Variants in AKAP11 observed in about 807,000 individuals in gnomAD.
The protein encoded by AKAP11 is A-kinase anchor protein 11.
A neutral mutation model predicts 146.1 loss-of-function variants in AKAP11; 36 were observed. The ratio of observed to expected loss-of-function variants is 0.25; its 90% CI spans 0.19 to 0.33. The LOEUF is 0.33. AKAP11 is among the 10% of genes least tolerant of loss of function. AKAP11 has a pLI of 1.00. For missense variants in AKAP11, 2,201 were observed against 2,197.0 expected, an observed-to-expected ratio of 1.00 and a Z score of -0.04; for synonymous variants, 780 against 786.5, an observed-to-expected ratio of 0.99 and a Z score of 0.14.
chr13:42,286,444 A>G (rs762203878), intron 3 of AKAP11, 45 bp downstream of exon 3: 1 of 1,473,330 alleles, frequency 6.8e-7, no homozygotes, highest in Non-Finnish European at 9.3e-7. Context: ...GTTTTAATTA[A>G]AATGTTGATT....
Position 42,322,301 on chromosome 13 carries a change from T to C in AKAP11, c.*3073T>C, listed in dbSNP as rs1961118495. The stretch of plus-strand genomic sequence containing the variant: ...CTGGTAAGAGAATTTATTTACTAAA[T>C]GCACTATGTATAAAGTGAAAGATAG... On this transcript the variant is annotated 3_prime_UTR_variant, in exon 13 of 13. Transcript: ENST00000025301. The C allele has an allele frequency of 6.6e-6, 1 of 152,314 alleles. No homozygotes were observed. Among genetic ancestry groups the C allele is most frequent in the African/African-American group, 2.4e-5 (1 of 41,462 alleles). The allele number at this position is 152,314 out of a possible 1,614,324, so 9.4% of individuals were successfully genotyped here.
chr13:42,282,343 T>G (rs935287008), intron 1 of AKAP11, among the ~76,000 whole-genome samples: 5 of 151,524 alleles, frequency 3.3e-5, no homozygotes, highest in Non-Finnish European at 7.4e-5. Context: ...CACGCCAGTA[T>G]GGATCACTCT....
Position 42,292,441 on chromosome 13 carries a change from A to G in AKAP11, c.108A>G (p.Glu36=). The G allele has an allele frequency of 6.3e-7, 1 of 1,597,282 alleles. No individual in the cohort carries two copies. Among genetic ancestry groups the G allele is most frequent in the Non-Finnish European group, 8.6e-7 (1 of 1,168,110 alleles). Residue 36 remains glutamate, a synonymous_variant, in exon 4 of 13, where the codon GAA becomes GAG. Coordinates refer to ENST00000025301, the MANE Select transcript of AKAP11 (RefSeq NM_016248.4). The part of the protein sequence containing the change: ...SVKSLLQSQK[E]LCSVTAEDCL... ...AGTCTTTATTGCAGAGTCAGAAGGA[A>G]CTATGCAGTGTAACAGCAGAGGACT...
chr13:42,280,762 G>A (rs1027848843), intron 1 of AKAP11, among the ~76,000 whole-genome samples: 6 of 152,176 alleles, frequency 3.9e-5, no homozygotes, highest in Non-Finnish European at 8.8e-5. Context: ...CCTATTTTAG[G>A]GAGGGAAGTT....
chr13:42,301,572 A>G lies in AKAP11; in HGVS notation c.2826A>G (p.Leu942=), dbSNP rs1422066034. ...ATAAGGACATGTTTGCTGACCGGTT[A>G]TCTAAATCTATTATTAAACATTCCA... The part of the protein sequence containing the change: ...SSNKDMFADR[L]SKSIIKHSID... The change falls in exon 8 of 13, where the codon TTA becomes TTG. Residue 942 remains leucine, a synonymous_variant. Coordinates refer to ENST00000025301, the MANE Select transcript of AKAP11 (RefSeq NM_016248.4). 6.2e-7 allele frequency: 1 copy of G among 1,614,168 alleles called. No homozygotes were observed. The highest frequency in any genetic ancestry group is 8.5e-7 in the Non-Finnish European group (1 of 1,180,000).
chr13:42,308,615 T>C lies in AKAP11; in HGVS notation c.5273+6T>C, dbSNP rs767995999. On this transcript the variant is annotated splice_donor_region_variant and intron_variant, in intron 9 of 12. Transcript: ENST00000025301. ...TTTCATCATCTAAGTGAAAGGTAACTACACTTTTGCATATAATTGTGTAGT... is the reference window on the plus strand; with the variant it reads ...TTTCATCATCTAAGTGAAAGGTAACCACACTTTTGCATATAATTGTGTAGT... The C allele has an allele frequency of 6.2e-7, 1 of 1,610,408 alleles. No homozygotes were observed. The highest frequency in any genetic ancestry group is 8.5e-7 in the Non-Finnish European group (1 of 1,177,764).
chr13:42,302,375 C>A lies in AKAP11; in HGVS notation c.3629C>A (p.Ala1210Glu), dbSNP rs1369617212. The stretch of plus-strand genomic sequence containing the variant: ...TTAGCTACACACATCCTTTCTCTTG[C>A]AACTGAAATGGCAGCTTCCCATTTA... The part of the protein sequence containing the change: ...EALATHILSL[A>E]TEMAASHLDN... Residue 1210 changes from alanine to glutamate, a missense_variant, in exon 8 of 13, where the codon GCA (alanine) becomes GAA (glutamate). Ala to Glu is a moderately radical substitution (Grantham distance 107). Coordinates refer to ENST00000025301, the MANE Select transcript of AKAP11 (RefSeq NM_016248.4). 1 of 1,614,120 alleles carries A rather than the reference C, an allele frequency of 6.2e-7. No homozygotes were observed. Among genetic ancestry groups the A allele is most frequent in the South Asian group, 1.1e-5 (1 of 91,056 alleles).
chr13:42,308,897 G>GA lies in AKAP11; in HGVS notation c.5273+293dup, dbSNP rs1021261761. ...CCCAAACTTTTTATGAACTTCTGAG[G>GA]AAAAATTTTTTTTTTCACTTTAAAA... On this transcript the variant is annotated intron_variant, in intron 9 of 12. Coordinates refer to ENST00000025301, the MANE Select transcript of AKAP11 (RefSeq NM_016248.4). Among the ~76,000 whole-genome samples the GA allele has an allele frequency of 1.0e-3, 134 of 128,872 alleles. 1 individual carries two copies. Among genetic ancestry groups the GA allele is most frequent in the Admixed American group, 1.8e-3 (21 of 11,866 alleles). The allele number at this position is 128,872 out of a possible 152,430, so 84.5% of individuals were successfully genotyped here. A position where few individuals can be genotyped will look rare whatever the true frequency, so the allele number is the denominator to read the frequency against.
At position 42,279,287 on chromosome 13, in the gene AKAP11, T is replaced by A. The variant is rs1490768358; in HGVS notation, c.-99-6699T>A. On this transcript the variant is annotated intron_variant, in intron 1 of 12. Coordinates refer to ENST00000025301, the MANE Select transcript of AKAP11 (RefSeq NM_016248.4). ...CCCACACACACACACACACACTCTCTCTCTCTCACTCACTCACTCGCTTAC... is the reference window on the plus strand; with the variant it reads ...CCCACACACACACACACACACTCTCACTCTCTCACTCACTCACTCGCTTAC... Among the ~76,000 whole-genome samples, 1,390 of 147,596 alleles carry A rather than the reference T, an allele frequency of 9.4e-3. 15 individuals carry two copies. Among genetic ancestry groups the A allele is most frequent in the African/African-American group, 0.032 (1,303 of 40,180 alleles).
Position 42,299,502 on chromosome 13 carries a change from A to G in AKAP11, c.756A>G (p.Ser252=). 1 of 1,613,982 alleles carries G rather than the reference A, an allele frequency of 6.2e-7. No homozygotes were observed. Among genetic ancestry groups the G allele is most frequent in the Non-Finnish European group, 8.5e-7 (1 of 1,179,882 alleles). ...CATTGGCTAAACCCTCAACTTCCTC[A>G]GTGAATGTCCTGGGACATAAAGAAC... ...QKSLAKPSTS[S]VNVLGHKELP... is the part of the protein sequence containing the mutation. The change falls in exon 8 of 13, where the codon TCA becomes TCG. Residue 252 remains serine, a synonymous_variant. Coordinates refer to ENST00000025301, the MANE Select transcript of AKAP11 (RefSeq NM_016248.4).
chr13:42,280,489 TTATTC>T (rs1187214023), intron 1 of AKAP11, among the ~76,000 whole-genome samples: 6 of 152,220 alleles, frequency 3.9e-5, no homozygotes, highest in African/African-American at 1.4e-4. Flanking sequence ...ACTTTGCTCT[TTATTC>T]TGTTTTATAT....
Position 42,300,991 on chromosome 13 carries a change from C to T in AKAP11, c.2245C>T (p.Gln749Ter). 6.2e-7 allele frequency: 1 copy of T among 1,614,106 alleles called. No homozygotes were observed. The highest frequency in any genetic ancestry group is 8.5e-7 in the Non-Finnish European group (1 of 1,179,976). The stretch of plus-strand genomic sequence containing the variant: ...CACGTTTTCCCCTTCTTTTCACAAT[C>T]AAGCAATTATGGTGACAAAACCAGT... The part of the protein sequence containing the change: ...AVTFSPSFHN[Q>*]AIMVTKPVQE... Residue 749 changes from glutamine (Q) to a stop codon, truncating the protein, a stop_gained, in exon 8 of 13, where the codon CAA becomes TAA. Transcript: ENST00000025301. LOFTEE classifies it high-confidence loss of function.
In AKAP11 at chr13:42,320,099, A is replaced by T. The variant is rs557192179; in HGVS notation, c.*871A>T. ...AGAATTTTTATTGACAATAATTAAA[A>T]TTTTTTTTGACAATTTTGGGTTCCC... On this transcript the variant is annotated 3_prime_UTR_variant, in exon 13 of 13. Transcript: ENST00000025301. 2 of 152,712 alleles carry T rather than the reference A, an allele frequency of 1.3e-5. No individual in the cohort carries two copies. Among genetic ancestry groups the T allele is most frequent in the South Asian group, 2.1e-4 (1 of 4,820 alleles). The allele number at this position is 152,712 out of a possible 1,614,324, so 9.5% of individuals were successfully genotyped here.
chr13:42,282,348 C>G (rs972745014), intron 1 of AKAP11, among the ~76,000 whole-genome samples: 2 of 150,170 alleles, frequency 1.3e-5, no homozygotes, highest in African/African-American at 4.9e-5. Flanking sequence ...CAGTATGGAT[C>G]ACTCTAACTC....
At chr13:42,292,547 T>A in intron 4 of AKAP11, 46 bp downstream of exon 4, 1 of 1,162,262 alleles carries the variant, frequency 8.6e-7, no homozygotes. Flanking sequence ...ATGCACAGCA[T>A]ATTTTCATGC....
chr13:42,295,859 A>G, intron 5 of AKAP11, 117 bp downstream of exon 5: 1 of 857,240 alleles, frequency 1.2e-6, no homozygotes. Context: ...CTTTTTCTGC[A>G]TTCTGTGTAT....
intron 8 of AKAP11, among the ~76,000 whole-genome samples, chr13:42,304,311 TCTCA>T (rs1960139147): frequency 6.6e-6 from 1 of 152,232 alleles, no homozygotes; most frequent in Non-Finnish European, 1.5e-5. Flanking sequence ...TCTCACACCA[TCTCA>T]CTCAGGATGT....
At chr13:42,296,956 G>A (rs1026508513) in intron 5 of AKAP11, 92 bp from the exon 6 acceptor site, 3 of 1,090,686 alleles carry the variant, frequency 2.8e-6, no homozygotes, top group Non-Finnish European at 3.9e-6. Context: ...CTAGCCAGTA[G>A]ACCTTAAAAT....
At position 42,301,188 on chromosome 13, in the gene AKAP11, T is replaced by C. The variant is rs1959876959; in HGVS notation, c.2442T>C (p.Gly814=). 1.2e-6 allele frequency: 2 copies of C among 1,613,936 alleles called. No individual in the cohort carries two copies. The highest frequency in any genetic ancestry group is 2.7e-5 in the African/African-American group (2 of 74,908). ...HLSSDDSNSN[G]DSAQVHIATK... ...CATCTGATGATAGTAATTCAAATGG[T>C]GATTCTGCCCAAGTGCATATTGCCA... Residue 814 remains glycine (G), a synonymous_variant, in exon 8 of 13, where the codon GGT becomes GGC. Coordinates refer to ENST00000025301, the MANE Select transcript of AKAP11 (RefSeq NM_016248.4).
Sources: allele counts gnomAD v4.1 joint callset (sites outside exome capture counted in the v4.1 genomes callset), GRCh38; gene constraint gnomAD v4.1.1; transcripts MANE v1.5; gene names NCBI Gene and HGNC (gene_info 2026-07-23, HGNC 2026-07-21).